CCR5AS: variants seen among roughly 807,000 people sequenced by gnomAD.
The protein encoded by CCR5AS is CCR5 antisense RNA.
chr3:46,375,859 A>C (rs1701749897), intron 2 of CCR5AS: 1 of 166,724 alleles, frequency 6.0e-6, no homozygotes, highest in Non-Finnish European at 1.5e-5. Context: ...ACTGTTTTGA[A>C]TTTGGGGGAT....
intron 1 of CCR5AS, among the ~76,000 whole-genome samples, chr3:46,402,815 T>C (rs1473730856): frequency 6.6e-6 from 1 of 152,212 alleles, no homozygotes; most frequent in African/African-American, 2.4e-5. Context: ...TGAGGGTTTG[T>C]TGTACAAATT....
intron 1 of CCR5AS, among the ~76,000 whole-genome samples, chr3:46,406,536 G>A (rs1702049814): frequency 1.3e-5 from 2 of 151,710 alleles, no homozygotes; most frequent in African/African-American, 2.4e-5. Flanking sequence ...CTAGCCCCCA[G>A]CCTCAGTTTG....
chr3:46,372,029 C>T (rs766865650), intron 2 of CCR5AS, among the ~76,000 whole-genome samples: 7 of 152,206 alleles, frequency 4.6e-5, no homozygotes, highest in Non-Finnish European at 5.9e-5. Context: ...GTTACTCACC[C>T]TCTCTGTGCT....
chr3:46,368,184 G>T (rs941000416), intron 3 of CCR5AS, among the ~76,000 whole-genome samples: 1 of 152,134 alleles, frequency 6.6e-6, no homozygotes, highest in Non-Finnish European at 1.5e-5. Context: ...AGACAAAAAG[G>T]CCCCAAAAAG....
intron 2 of CCR5AS, among the ~76,000 whole-genome samples, chr3:46,390,542 C>T (rs555087157): frequency 6.6e-6 from 1 of 152,144 alleles, no homozygotes; most frequent in South Asian, 2.1e-4. Context: ...AGGGTGATTA[C>T]ATTTTAATGG....
chr3:46,401,159 A>T (rs1170205826), intron 1 of CCR5AS, among the ~76,000 whole-genome samples: 1 of 152,244 alleles, frequency 6.6e-6, no homozygotes, highest in Admixed American at 6.5e-5. Context: ...AGTTGGCCAA[A>T]CATGACAGAA....
intron 1 of CCR5AS, among the ~76,000 whole-genome samples, chr3:46,402,780 T>C (rs1322926802): frequency 1.3e-5 from 2 of 152,238 alleles, no homozygotes; most frequent in Non-Finnish European, 2.9e-5. Flanking sequence ...ATGTGAAAGC[T>C]TGTTACGTAG....
At chr3:46,368,261 C>G (rs1701619788) in intron 3 of CCR5AS, among the ~76,000 whole-genome samples, 1 of 152,160 alleles carries the variant, frequency 6.6e-6, no homozygotes, top group South Asian at 2.1e-4. Flanking sequence ...ATCAAAAGTT[C>G]ATTTCCTATG....
intron 1 of CCR5AS, among the ~76,000 whole-genome samples, chr3:46,398,249 G>A (rs890415864): frequency 3.3e-5 from 5 of 152,148 alleles, no homozygotes; most frequent in African/African-American, 1.2e-4. Flanking sequence ...TGCCCTCAAT[G>A]TTCCCGGCTG....
At chr3:46,376,110 T>C (rs1457086484) in intron 2 of CCR5AS, 1 of 167,104 alleles carries the variant, frequency 6.0e-6, no homozygotes, top group Admixed American at 6.5e-5. Context: ...GTCAAAGACA[T>C]TCTGACATCT....
chr3:46,377,788 C>T (rs946623282), intron 2 of CCR5AS, among the ~76,000 whole-genome samples: 2 of 152,036 alleles, frequency 1.3e-5, no homozygotes, highest in African/African-American at 4.8e-5. Flanking sequence ...TCACTGCAAC[C>T]ACTGCCTCCC....
At chr3:46,365,513 G>T (rs146136663) in intron 3 of CCR5AS, among the ~76,000 whole-genome samples, 1 of 152,286 alleles carries the variant, frequency 6.6e-6, no homozygotes, top group Non-Finnish European at 1.5e-5. Context: ...AACCAAAAAG[G>T]TTATTTTTGA....
At chr3:46,386,918 A>C (rs1427634861) in intron 2 of CCR5AS, among the ~76,000 whole-genome samples, 1 of 152,178 alleles carries the variant, frequency 6.6e-6, no homozygotes, top group Non-Finnish European at 1.5e-5. Context: ...TAGAGGAAAC[A>C]GTGTTGGTCA....
At chr3:46,373,241 C>T in intron 2 of CCR5AS, 1 of 1,614,154 alleles carries the variant, frequency 6.2e-7, no homozygotes, top group Non-Finnish European at 8.5e-7. Context: ...TAGGCTTCTT[C>T]TCTGGAATCT....
chr3:46,373,630 T>A, intron 2 of CCR5AS: 1 of 1,614,142 alleles, frequency 6.2e-7, no homozygotes, highest in Non-Finnish European at 8.5e-7. Flanking sequence ...ATCATGATTG[T>A]TTATTTTCTC....
intron 1 of CCR5AS, among the ~76,000 whole-genome samples, chr3:46,400,095 G>C (rs970225513): frequency 6.6e-6 from 1 of 152,008 alleles, no homozygotes; most frequent in African/African-American, 2.4e-5. Flanking sequence ...CCGGGCTCAA[G>C]CAATCCTCCC....
intron 2 of CCR5AS, among the ~76,000 whole-genome samples, chr3:46,378,821 C>T (rs1174474222): frequency 1.3e-5 from 2 of 152,160 alleles, no homozygotes; most frequent in Non-Finnish European, 2.9e-5. Flanking sequence ...CCAATCTCTG[C>T]AGTGTGCTGC....
chr3:46,373,716 T>C lies in CCR5AS; in HGVS notation n.392-2299A>G, dbSNP rs761483454. 9.9e-6 allele frequency: 16 copies of C among 1,614,006 alleles called. No individual in the cohort carries two copies. In the East Asian group the frequency reaches 3.3e-4, roughly 34 times the overall value. On this transcript the variant is annotated intron_variant and non_coding_transcript_variant, in intron 2 of 3. Transcript: ENST00000451485. ...CTTTGGCCTGAATAATTGCAGTAGC[T>C]CTAACAGGTTGGACCAAGCTATGCA... is the stretch of plus-strand genomic sequence containing the variant.
exon 4 of CCR5AS, chr3:46,364,972 A>T (rs1701586729): frequency 6.6e-6 from 1 of 152,670 alleles, no homozygotes; most frequent in Non-Finnish European, 1.5e-5. Context: ...AAACTTGAAC[A>T]GATGAAGAGT....
Sources: gnomAD v4.1 joint callset for allele counts (sites outside exome capture counted in the v4.1 genomes callset) on GRCh38, gnomAD v4.1.1 for gene constraint, MANE v1.5 for transcripts, NCBI Gene and HGNC (gene_info 2026-07-23, HGNC 2026-07-21) for gene names.